The following SLC9B1 variants were observed in gnomAD, a reference collection of about 807,000 sequenced individuals.
SLC9B1 encodes the protein solute carrier family 9 member B1.
Under a neutral mutation model 51.7 loss-of-function variants are expected in SLC9B1, and 32 were observed. That is an observed-to-expected ratio of 0.62 (90% CI 0.47 to 0.83). The LOEUF (loss-of-function observed/expected upper bound fraction) is 0.83. SLC9B1 is among the 40% of genes least tolerant of loss of function. SLC9B1 has a pLI of 0.00. For missense variants in SLC9B1, 406 were observed against 613.2 expected (o/e 0.66, Z 3.57); for synonymous variants, 145 against 212.7 (o/e 0.68, Z 2.77).
chr4:103,001,081 C>A (rs1009911690), intron 1 of SLC9B1, among the ~76,000 whole-genome samples: 19 of 152,222 alleles, frequency 1.2e-4, no homozygotes, highest in African/African-American at 4.6e-4. Flanking sequence ...ATGGGCCCAA[C>A]ACCACGTGTA....
chr4:102,946,854 T>C, intron 4 of SLC9B1, 65 bp from the exon 5 acceptor site: 1 of 1,449,480 alleles, frequency 6.9e-7, no homozygotes, highest in Middle Eastern at 2.6e-4. Flanking sequence ...CGGAAATGTT[T>C]ACTTTCTTTT....
downstream of SLC9B1, among the ~76,000 whole-genome samples, chr4:102,899,940 T>C (rs2110419582): frequency 6.6e-6 from 1 of 152,364 alleles, no homozygotes; most frequent in South Asian, 2.1e-4. Context: ...AAGAGTTATT[T>C]CCCAGAAGGT....
intron 11 of SLC9B1, among the ~76,000 whole-genome samples, chr4:102,894,114 A>C (rs1287682048): frequency 6.6e-6 from 1 of 152,204 alleles, no homozygotes; most frequent in Non-Finnish European, 1.5e-5. Context: ...AGAAGAGAAA[A>C]ATGTGATTAT....
At chr4:103,013,982 C>A (rs2110544808) in intron 1 of SLC9B1, among the ~76,000 whole-genome samples, 1 of 152,280 alleles carries the variant, frequency 6.6e-6, no homozygotes. Flanking sequence ...GTAATTTTCA[C>A]AATGCAGAAC....
At chr4:102,998,915 C>T (rs1740367691) in intron 1 of SLC9B1, among the ~76,000 whole-genome samples, 1 of 152,128 alleles carries the variant, frequency 6.6e-6, no homozygotes. Context: ...GGCTGGAGTG[C>T]AGTGGCACAA....
intron 6 of SLC9B1, among the ~76,000 whole-genome samples, chr4:102,937,088 G>A (rs1166996579): frequency 6.6e-6 from 1 of 151,944 alleles, no homozygotes; most frequent in African/African-American, 2.4e-5. Flanking sequence ...AGAAATTGGG[G>A]GCCTATATTC....
intron 3 of SLC9B1, among the ~76,000 whole-genome samples, chr4:102,972,377 C>A (rs759985513): frequency 6.6e-6 from 1 of 152,138 alleles, no homozygotes; most frequent in Non-Finnish European, 1.5e-5. Flanking sequence ...CTTCAGCCTT[C>A]GAGTAGCTGA....
At chr4:102,979,266 T>C (rs1739230023) in intron 3 of SLC9B1, among the ~76,000 whole-genome samples, 1 of 152,226 alleles carries the variant, frequency 6.6e-6, no homozygotes, top group Non-Finnish European at 1.5e-5. Flanking sequence ...TATTGAGCCA[T>C]ATCCTAGAAT....
chr4:102,930,711 T>G (rs1319667996), intron 7 of SLC9B1, among the ~76,000 whole-genome samples: 1 of 151,026 alleles, frequency 6.6e-6, no homozygotes, highest in Non-Finnish European at 1.5e-5. Flanking sequence ...GCCTGGCCAA[T>G]TTTTTAATTA....
chr4:102,947,314 T>A (rs1447526127), intron 4 of SLC9B1, among the ~76,000 whole-genome samples: 1 of 152,138 alleles, frequency 6.6e-6, no homozygotes, highest in Non-Finnish European at 1.5e-5. Context: ...GTAAGAAAAT[T>A]GTGGATACAG....
intron 3 of SLC9B1, among the ~76,000 whole-genome samples, chr4:102,976,172 C>T (rs930726815): frequency 1.2e-4 from 18 of 152,156 alleles, no homozygotes; most frequent in African/African-American, 3.6e-4. Context: ...CAGACAGAAA[C>T]GTTCACTGGA....
At chr4:103,016,915 A>C (rs969272367) in intron 1 of SLC9B1, 3 of 150,424 alleles carry the variant, frequency 2.0e-5, no homozygotes, top group Non-Finnish European at 4.4e-5. Context: ...TATGCTGGTG[A>C]CTCCCAACTT....
At chr4:102,921,723 A>G (rs1240330254) in intron 7 of SLC9B1, among the ~76,000 whole-genome samples, 2 of 152,222 alleles carry the variant, frequency 1.3e-5, no homozygotes, top group African/African-American at 2.4e-5. Flanking sequence ...AAGATCTACC[A>G]AACAAATGGA....
chr4:102,942,797 C>T (rs1052638036), intron 6 of SLC9B1, among the ~76,000 whole-genome samples: 2 of 152,070 alleles, frequency 1.3e-5, no homozygotes, highest in African/African-American at 4.8e-5. Context: ...AACCCAAGAG[C>T]AAAGGCAACA....
At chr4:102,917,427 ATGTATC>A (rs1560925602) in intron 7 of SLC9B1, among the ~76,000 whole-genome samples, 1 of 133,770 alleles carries the variant, frequency 7.5e-6, no homozygotes, top group Non-Finnish European at 1.7e-5. Context: ...TTTTATATGC[ATGTATC>A]TATATCTATA....
At chr4:103,014,160 A>C (rs1286442102) in intron 1 of SLC9B1, among the ~76,000 whole-genome samples, 2 of 152,164 alleles carry the variant, frequency 1.3e-5, no homozygotes, top group Non-Finnish European at 1.5e-5. Context: ...TTGACACTCT[A>C]AACTTTAGCC....
intron 5 of SLC9B1, 40 bp downstream of exon 5, chr4:102,946,607 A>T (rs1396476410): frequency 6.3e-7 from 1 of 1,584,056 alleles, no homozygotes; most frequent in Non-Finnish European, 8.6e-7. Context: ...GTCCTCTAAT[A>T]TTTGAAATAA....
intron 7 of SLC9B1, among the ~76,000 whole-genome samples, chr4:102,927,147 CT>C (rs1560932103): frequency 6.6e-6 from 1 of 152,158 alleles, no homozygotes; most frequent in Non-Finnish European, 1.5e-5. Flanking sequence ...CATAAAAACC[CT>C]AGAAGAAAAC....
intron 11 of SLC9B1, among the ~76,000 whole-genome samples, chr4:102,903,019 T>C (rs1286506494): frequency 6.6e-6 from 1 of 152,160 alleles, no homozygotes; most frequent in East Asian, 1.9e-4. Context: ...ATTATTGCTG[T>C]TGTGACTCTA....
Sources: gnomAD v4.1 joint callset for allele counts (sites outside exome capture counted in the v4.1 genomes callset) on GRCh38, gnomAD v4.1.1 for gene constraint, MANE v1.5 for transcripts, NCBI Gene and HGNC (gene_info 2026-07-23, HGNC 2026-07-21) for gene names.